CFAP61: variants seen among roughly 807,000 people sequenced by gnomAD.
CFAP61 encodes cilia- and flagella-associated protein 61.
In CFAP61, 107 loss-of-function variants were observed where a neutral mutation model predicts 135.6. That is an observed-to-expected ratio of 0.79 (90% CI 0.67 to 0.93). CFAP61 has a LOEUF of 0.93. Ranked by LOEUF, CFAP61 falls within the 40% of genes least tolerant of loss-of-function variation. The pLI, the probability that CFAP61 is intolerant of heterozygous loss-of-function variation, is 0.00. For missense variants in CFAP61, 1,507 were observed against 1,556.2 expected (o/e 0.97, Z 0.53); for synonymous variants, 575 against 578.5 (o/e 0.99, Z 0.09).
chr20:20,168,579 A>G (rs560039365), intron 12 of CFAP61, among the ~76,000 whole-genome samples: 11 of 152,224 alleles, frequency 7.2e-5, no homozygotes, highest in Non-Finnish European at 1.0e-4. Context: ...AAGCACACAT[A>G]AAACTTTTCC....
chr20:20,323,016 A>G (rs1479849857), intron 25 of CFAP61: 11 of 985,352 alleles, frequency 1.1e-5, no homozygotes, highest in Non-Finnish European at 1.3e-5. Context: ...ATGGCCCTTC[A>G]TGATGAGATT....
At chr20:20,070,569 T>C (rs1034673907) in intron 2 of CFAP61, among the ~76,000 whole-genome samples, 8 of 152,180 alleles carry the variant, frequency 5.3e-5, no homozygotes, top group Admixed American at 5.2e-4. Context: ...TGTAGTCAAA[T>C]ATCTTCCTAG....
intron 18 of CFAP61, among the ~76,000 whole-genome samples, chr20:20,230,754 C>T (rs1259897655): frequency 6.6e-6 from 1 of 152,142 alleles, no homozygotes; most frequent in Non-Finnish European, 1.5e-5. Flanking sequence ...TTGGGTTTCA[C>T]CATGTTGGCC....
chr20:20,228,396 T>G lies in CFAP61; in HGVS notation c.2060+20T>G. The G allele has an allele frequency of 6.3e-7, 1 of 1,590,892 alleles. No individual in the cohort carries two copies. Among genetic ancestry groups the G allele is most frequent in the African/African-American group, 1.3e-5 (1 of 74,544 alleles). Reference sequence around the variant, plus strand: ...ATTTTGGTGAGTTGTTTCACTCTATTGATTGATTGGTTTTTAAATAATAAA... The same window carrying G: ...ATTTTGGTGAGTTGTTTCACTCTATGGATTGATTGGTTTTTAAATAATAAA... On this transcript the variant is annotated intron_variant, in intron 18 of 26. Transcript: ENST00000245957.
At chr20:20,236,710 G>T (rs2049618867) in intron 18 of CFAP61, among the ~76,000 whole-genome samples, 1 of 152,170 alleles carries the variant, frequency 6.6e-6, no homozygotes, top group South Asian at 2.1e-4. Context: ...GCCAGCATTT[G>T]CCCAAAACAC....
chr20:20,357,692 CTGAGGGGAGGTGGTCATAGTG>C (rs1463021118), intron 26 of CFAP61, among the ~76,000 whole-genome samples: 1 of 2,438 alleles, frequency 4.1e-4, no homozygotes, highest in Non-Finnish European at 1.8e-3. Flanking sequence ...AGTGGTCACA[CTGAGGGGAGGTGGTCATAGTG>C]TGAGGGGAGG....
intron 17 of CFAP61, among the ~76,000 whole-genome samples, chr20:20,205,520 C>G (rs1439478003): frequency 6.6e-6 from 1 of 152,216 alleles, no homozygotes; most frequent in Non-Finnish European, 1.5e-5. Context: ...AGGAATATGG[C>G]TTGATACAGA....
chr20:20,246,334 C>T (rs1457235531), intron 19 of CFAP61, 119 bp downstream of exon 19: 3 of 736,388 alleles, frequency 4.1e-6, no homozygotes, highest in African/African-American at 3.5e-5. Context: ...GGCTTTTCTA[C>T]TGGAGTTCAG....
chr20:20,118,640 G>A (rs542435500), intron 8 of CFAP61, among the ~76,000 whole-genome samples: 1 of 151,786 alleles, frequency 6.6e-6, no homozygotes. Flanking sequence ...TGTGCCCAGT[G>A]TTTTGAGGTA....
At chr20:20,114,307 A>T (rs2048992286) in intron 8 of CFAP61, among the ~76,000 whole-genome samples, 1 of 152,138 alleles carries the variant, frequency 6.6e-6, no homozygotes, top group South Asian at 2.1e-4. Flanking sequence ...CATTTTGGGG[A>T]TCTTGAATGG....
intron 1 of CFAP61, chr20:20,055,997 C>T (rs750926407): frequency 1.2e-6 from 2 of 1,609,872 alleles, no homozygotes; most frequent in Middle Eastern, 1.7e-4. Flanking sequence ...ACGTTAGGTT[C>T]TCCACTGTTG....
At position 20,320,519 on chromosome 20, in the gene CFAP61, A is replaced by ATT. The variant is rs376804377; in HGVS notation, c.3423-21312_3423-21311insTT. Among the ~76,000 whole-genome samples, 53 of 14,504 alleles carry ATT rather than the reference A, an allele frequency of 3.7e-3. 19 individuals are homozygous for ATT. The highest frequency in any genetic ancestry group is 0.012 in the African/African-American group (29 of 2,518). The allele number at this position is 14,504 out of a possible 152,430, so 9.5% of individuals were successfully genotyped here. A position where few individuals can be genotyped will look rare whatever the true frequency, so the allele number is the denominator to read the frequency against. ...AATATATATTATATATGTAATATAT[A>ATT]ATATATATTATATATGTAATATATA... On this transcript the variant is annotated intron_variant, in intron 25 of 26. Coordinates refer to ENST00000245957, the MANE Select transcript of CFAP61 (RefSeq NM_015585.4).
chr20:20,287,642 G>T (rs960876585), intron 22 of CFAP61, among the ~76,000 whole-genome samples: 1 of 152,160 alleles, frequency 6.6e-6, no homozygotes, highest in Admixed American at 6.5e-5. Context: ...ACAGTTGAGG[G>T]GGGTAAAGCA....
intron 25 of CFAP61, among the ~76,000 whole-genome samples, chr20:20,308,049 G>A (rs749813068): frequency 7.6e-4 from 115 of 152,264 alleles, no homozygotes; most frequent in African/African-American, 1.9e-3. Context: ...ATGCATTGTC[G>A]ATAATCACTA....
intron 25 of CFAP61, among the ~76,000 whole-genome samples, chr20:20,321,930 A>G (rs2057536749): frequency 6.6e-6 from 1 of 152,186 alleles, no homozygotes; most frequent in South Asian, 2.1e-4. Context: ...TGGCTTATAG[A>G]AGGCCATGCA....
intron 8 of CFAP61, among the ~76,000 whole-genome samples, chr20:20,119,084 T>A (rs1349075997): frequency 6.6e-6 from 1 of 152,168 alleles, no homozygotes; most frequent in Non-Finnish European, 1.5e-5. Context: ...AGTTTTCTTT[T>A]TTTGTTCTGT....
At chr20:20,169,207 C>T (rs2054045306) in intron 12 of CFAP61, 114 bp from the exon 13 acceptor site, 6 of 949,932 alleles carry the variant, frequency 6.3e-6, no homozygotes, top group Admixed American at 5.0e-5. Flanking sequence ...TTTGAATATC[C>T]TCTCCTTAAT....
At chr20:20,107,111 T>G (rs2048463526) in intron 8 of CFAP61, among the ~76,000 whole-genome samples, 1 of 152,236 alleles carries the variant, frequency 6.6e-6, no homozygotes, top group South Asian at 2.1e-4. Flanking sequence ...CCCATTGCAC[T>G]GAGGTCACTG....
At chr20:20,139,353 G>A (rs2051186515) in intron 8 of CFAP61, among the ~76,000 whole-genome samples, 2 of 152,166 alleles carry the variant, frequency 1.3e-5, no homozygotes, top group Admixed American at 1.3e-4. Flanking sequence ...TAGCTTCATG[G>A]TAAACCCGCT....
Sources: allele counts gnomAD v4.1 joint callset (sites outside exome capture counted in the v4.1 genomes callset), GRCh38; gene constraint gnomAD v4.1.1; transcripts MANE v1.5; gene names NCBI Gene and HGNC (gene_info 2026-07-23, HGNC 2026-07-21).